The following MGA variants were observed in gnomAD, a reference collection of about 807,000 sequenced individuals.
MGA encodes the protein MAX dimerization protein MGA.
A neutral mutation model predicts 261.1 loss-of-function variants in MGA; 40 were observed. The observed-to-expected ratio is 0.15, with a 90% CI of 0.12 to 0.20. The LOEUF (loss-of-function observed/expected upper bound fraction) is 0.20, where lower values mean the gene tolerates loss of function less well. Among genes scored for constraint, MGA ranks in the 10% least tolerant of loss-of-function variants. MGA has a pLI of 1.00. For synonymous variants in MGA, 1,302 were observed against 1,290.6 expected (o/e 1.01, Z -0.19); for missense variants, 3,397 against 3,630.5 (o/e 0.94, Z 1.65).
At chr15:41,765,551 T>G (rs1481684505) in intron 23 of MGA, among the ~76,000 whole-genome samples, 1 of 152,180 alleles carries the variant, frequency 6.6e-6, no homozygotes, top group Admixed American at 6.5e-5. Context: ...TTAGTAATAT[T>G]AGGATCCTGG....
intron 2 of MGA, among the ~76,000 whole-genome samples, chr15:41,678,355 T>G (rs1352579159): frequency 6.6e-6 from 1 of 151,566 alleles, no homozygotes; most frequent in African/African-American, 2.4e-5. Flanking sequence ...CCTCCCAAAG[T>G]GTTGGGATTA....
rs1220992181 is a variant in MGA, at chr15:41,726,055, G to C, written c.3431-1125G>C. On this transcript the variant is annotated intron_variant, in intron 9 of 23. Transcript: ENST00000219905. ...TGTAGAATGGCATACAGAACTTCTT[G>C]ATAGTATGATTTTACCTCAGTTGGG... Among the ~76,000 whole-genome samples the C allele has an allele frequency of 2.6e-5, 4 of 152,278 alleles. 2 individuals are homozygous for C. In the South Asian group the frequency reaches 8.3e-4, roughly 32 times the overall value.
Position 41,669,447 on chromosome 15 carries a change from A to G in MGA, c.553A>G (p.Thr185Ala). The change falls in exon 2 of 24, where the codon ACA (threonine) becomes GCA (alanine). Residue 185 changes from threonine to alanine, a missense_variant. By Grantham distance (58) the Thr-to-Ala change is moderately conservative (BLOSUM62 0). Around this residue, in one of 9 missense-constraint regions of MGA, gnomAD observed 104 missense variants for 212.9 expected, o/e 0.49. Coordinates refer to ENST00000219905, the MANE Select transcript of MGA (RefSeq NM_001164273.2). The stretch of plus-strand genomic sequence containing the variant: ...CTATAAACTCAAACTTACCAACAAT[A>G]CACTGGACCAAGAAGGGCATATCAT... 2 of 1,613,918 alleles carry G rather than the reference A, an allele frequency of 1.2e-6. No individual in the cohort carries two copies. Among genetic ancestry groups the G allele is most frequent in the Non-Finnish European group, 1.7e-6 (2 of 1,179,870 alleles).
Position 41,768,921 on chromosome 15 carries a change from G to C in MGA, c.*1641G>C, listed in dbSNP as rs1320748053. 5 of 152,444 alleles carry C rather than the reference G, an allele frequency of 3.3e-5. No individual in the cohort carries two copies. Among genetic ancestry groups the C allele is most frequent in the Admixed American group, 3.3e-4 (5 of 15,284 alleles). 9.4% of individuals were successfully genotyped at this position (152,444 alleles called of 1,614,324 possible). A position where few individuals can be genotyped will look rare whatever the true frequency, so the allele number is the denominator to read the frequency against. ...AAAATTGCAGTGGGAGCAAATTCTT[G>C]TTGGTTTTGTGCTGCTTGCCTTTCT... On this transcript the variant is annotated 3_prime_UTR_variant, in exon 24 of 24. Transcript: ENST00000219905.
chr15:41,706,169 G>A (rs1376671258), intron 5 of MGA, among the ~76,000 whole-genome samples: 1 of 151,520 alleles, frequency 6.6e-6, no homozygotes, highest in Non-Finnish European at 1.5e-5. Flanking sequence ...CCAGGAAGGC[G>A]GAGGTTGCAG....
In MGA at chr15:41,725,848, A is replaced by T. The variant is rs1176774198; in HGVS notation, c.3431-1332A>T. On this transcript the variant is annotated intron_variant, in intron 9 of 23. Transcript: ENST00000219905. ...AGACTCCGTCTCAAAAAAAAAAAAA[A>T]AAAAAAAATAAATAAATAAATAAAT... is the stretch of plus-strand genomic sequence containing the variant. Among the ~76,000 whole-genome samples the T allele has an allele frequency of 6.3e-5, 9 of 143,786 alleles. 2 individuals are homozygous for T. The highest frequency in any genetic ancestry group is 2.4e-4 in the African/African-American group (9 of 37,556). The allele number at this position is 143,786 out of a possible 152,430, so 94.3% of individuals were successfully genotyped here. A position where few individuals can be genotyped will look rare whatever the true frequency, so the allele number is the denominator to read the frequency against.
intron 8 of MGA, among the ~76,000 whole-genome samples, chr15:41,711,624 C>A (rs2060389394): frequency 6.6e-6 from 1 of 152,108 alleles, no homozygotes; most frequent in Admixed American, 6.6e-5. Flanking sequence ...TTCTGAAAAT[C>A]TCTGATTTCA....
At chr15:41,651,441 A>G (rs1408874154) in intron 1 of MGA, among the ~76,000 whole-genome samples, 1 of 152,014 alleles carries the variant, frequency 6.6e-6, no homozygotes, top group African/African-American at 2.4e-5. Flanking sequence ...GTCTTCCTCC[A>G]CTTTCTAATT....
intron 1 of MGA, among the ~76,000 whole-genome samples, chr15:41,640,298 A>T (rs1257906739): frequency 6.6e-6 from 1 of 152,190 alleles, no homozygotes; most frequent in East Asian, 1.9e-4. Context: ...AGCTGGGTCC[A>T]GAGTATTGAG....
chr15:41,735,732 CAA>C (rs879872384), intron 12 of MGA, among the ~76,000 whole-genome samples: 12 of 127,804 alleles, frequency 9.4e-5, no homozygotes, highest in African/African-American at 1.7e-4. Flanking sequence ...GACTCCGTCT[CAA>C]AAAAAAAAAA....
At chr15:41,707,239 G>C (rs1204050754) in intron 5 of MGA, among the ~76,000 whole-genome samples, 1 of 152,190 alleles carries the variant, frequency 6.6e-6, no homozygotes, top group Non-Finnish European at 1.5e-5. Flanking sequence ...TCAGCAGTCT[G>C]GGCATAGCTT....
At chr15:41,727,580 C>G (rs1222052319) in intron 10 of MGA, among the ~76,000 whole-genome samples, 174 bp downstream of exon 10, 3 of 152,086 alleles carry the variant, frequency 2.0e-5, no homozygotes, top group Non-Finnish European at 4.4e-5. Flanking sequence ...TTAAAAATGT[C>G]TTAAAAGTAG....
At chr15:41,623,538 A>T (rs919854437) in intron 1 of MGA, among the ~76,000 whole-genome samples, 1 of 151,994 alleles carries the variant, frequency 6.6e-6, no homozygotes, top group African/African-American at 2.4e-5. Context: ...TGAGGTCGGG[A>T]GTTCGAGACT....
chr15:41,750,665 T>C, intron 17 of MGA, 50 bp downstream of exon 17: 1 of 1,491,388 alleles, frequency 6.7e-7, no homozygotes, highest in South Asian at 1.3e-5. Context: ...TTTAAATGAT[T>C]TATTAAAGAC....
rs769513207 is a variant in MGA, at chr15:41,740,143, A to T, written c.4525A>T (p.Thr1509Ser). ...TTCCAAAATGGCATCCTCCTCTGGCACTGCAACAAATCGCCCTGGGAAGAA... is the reference window on the plus strand; with the variant it reads ...TTCCAAAATGGCATCCTCCTCTGGCTCTGCAACAAATCGCCCTGGGAAGAA... Residue 1509 changes from threonine (T) to serine (S), a missense_variant, in exon 14 of 24, where the codon ACT (threonine) becomes TCT (serine). This residue lies in a region of MGA where 1,410 missense variants were observed against 1,386.4 expected (regional missense o/e 1.02). Transcript: ENST00000219905. 90 of 1,613,924 alleles carry T rather than the reference A, an allele frequency of 5.6e-5. No homozygotes were observed. The highest frequency in any genetic ancestry group is 7.0e-5 in the Non-Finnish European group (83 of 1,179,896).
Position 41,736,288 on chromosome 15 carries a change from T to A in MGA, c.4024T>A (p.Cys1342Ser). The A allele has an allele frequency of 6.2e-7, 1 of 1,614,042 alleles. No homozygotes were observed. Among genetic ancestry groups the A allele is most frequent in the Non-Finnish European group, 8.5e-7 (1 of 1,179,900 alleles). ...CAAACTGATTGAGATCATCTCAGACTGCAACTGGGAGGAAGATCGGAACAA... is the reference window on the plus strand; with the variant it reads ...CAAACTGATTGAGATCATCTCAGACAGCAACTGGGAGGAAGATCGGAACAA... Residue 1342 changes from cysteine to serine, a missense_variant, in exon 13 of 24, where the codon TGC becomes AGC. Around this residue, in one of 9 missense-constraint regions of MGA, gnomAD observed 1,410 missense variants for 1,386.4 expected, o/e 1.02. Coordinates refer to ENST00000219905, the MANE Select transcript of MGA (RefSeq NM_001164273.2).
intron 1 of MGA, among the ~76,000 whole-genome samples, chr15:41,623,633 A>G (rs1018050400): frequency 7.3e-5 from 11 of 151,332 alleles, no homozygotes; most frequent in Admixed American, 6.6e-5. Context: ...AATCATAGCC[A>G]CTTGGGATGC....
At chr15:41,670,699 G>A (rs1280577273) in intron 2 of MGA, among the ~76,000 whole-genome samples, 1 of 152,094 alleles carries the variant, frequency 6.6e-6, no homozygotes, top group Non-Finnish European at 1.5e-5. Flanking sequence ...GTAGAGACAG[G>A]GTTTCACTGT....
At position 41,707,843 on chromosome 15, in the gene MGA, C is replaced by G; in HGVS notation, c.2304C>G (p.Thr768=). 6.2e-7 allele frequency: 1 copy of G among 1,613,600 alleles called. No homozygotes were observed. The change falls in exon 6 of 24, where the codon ACC becomes ACG. Residue 768 remains threonine, a synonymous_variant. Transcript: ENST00000219905. The stretch of plus-strand genomic sequence containing the variant: ...TTCCTTTTTGGAACCTTACAGGAAC[C>G]AACCCTGCCTCTCCTGGTGAGTATG...
Sources: gnomAD v4.1 joint callset for allele counts (sites outside exome capture counted in the v4.1 genomes callset) on GRCh38, gnomAD v4.1.1 for gene constraint, gnomAD v4.1.1 regional missense constraint, MANE v1.5 for transcripts, NCBI Gene and HGNC (gene_info 2026-07-23, HGNC 2026-07-21) for gene names.